PLPPR1: variants seen among roughly 807,000 people sequenced by gnomAD.
PLPPR1 encodes phospholipid phosphatase-related protein type 1.
PLPPR1 carries 10 observed loss-of-function variants against 33.1 expected under a neutral mutation model. That is an observed-to-expected ratio of 0.30 (90% confidence interval 0.19 to 0.51). PLPPR1 has a LOEUF of 0.51. Among genes scored for constraint, PLPPR1 ranks in the 20% least tolerant of loss-of-function variants. The probability of loss-of-function intolerance (pLI) is 0.97; values close to 1 mark genes in which losing one functional copy is unlikely to be tolerated. For synonymous variants in PLPPR1, 151 were observed against 151.0 expected (o/e 1.00, Z 0.00); for missense variants, 304 against 408.1 (o/e 0.74, Z 2.20).
intron 2 of PLPPR1, among the ~76,000 whole-genome samples, chr9:101,230,761 CCAAAACACAAAGGCTAGTTT>C (rs1827165795): frequency 6.6e-6 from 1 of 151,626 alleles, no homozygotes; most frequent in Non-Finnish European, 1.5e-5. Flanking sequence ...ATCAACACCA[CCAAAACACAAAGGCTAGTTT>C]CAAAATAAAA....
chr9:101,282,357 A>T (rs767429669), intron 3 of PLPPR1, among the ~76,000 whole-genome samples: 2 of 152,192 alleles, frequency 1.3e-5, no homozygotes, highest in African/African-American at 4.8e-5. Context: ...ACAAAATTCA[A>T]TATCCTTTTA....
In PLPPR1 at chr9:101,048,293, G is replaced by A. The variant is rs185278926; in HGVS notation, c.-46+19191G>A. On this transcript the variant is annotated intron_variant, in intron 1 of 7. Transcript: ENST00000374874. ...AAAAGCAAAATGAAAAATGACAACCGAGTTTATAATTTCACTGGGAAGACA... is the reference window on the plus strand; with the variant it reads ...AAAAGCAAAATGAAAAATGACAACCAAGTTTATAATTTCACTGGGAAGACA... 3.3e-5 allele frequency among the ~76,000 whole-genome samples: 5 copies of A among 152,272 alleles called. No homozygotes were observed. In the East Asian group the frequency reaches 7.7e-4, roughly 24 times the overall value.
At chr9:101,174,875 T>C (rs1825995600) in intron 1 of PLPPR1, among the ~76,000 whole-genome samples, 2 of 152,174 alleles carry the variant, frequency 1.3e-5, no homozygotes. Flanking sequence ...CATCAGTGAC[T>C]GTCAATATTG....
intron 4 of PLPPR1, among the ~76,000 whole-genome samples, chr9:101,300,256 C>A (rs1393120967): frequency 1.3e-5 from 2 of 152,084 alleles, no homozygotes; most frequent in Non-Finnish European, 2.9e-5. Flanking sequence ...TCACTGCAGC[C>A]TTGACCTCCC....
At chr9:101,238,212 CTA>C (rs1191478154) in intron 2 of PLPPR1, among the ~76,000 whole-genome samples, 1 of 132,010 alleles carries the variant, frequency 7.6e-6, no homozygotes, top group Non-Finnish European at 1.6e-5. Flanking sequence ...ATATATATAC[CTA>C]TATATATACA....
intron 2 of PLPPR1, among the ~76,000 whole-genome samples, chr9:101,243,388 A>G (rs1445853910): frequency 1.3e-5 from 2 of 152,038 alleles, no homozygotes; most frequent in African/African-American, 4.8e-5. Context: ...GCTGGAAAGA[A>G]GTGATGAGGG....
intron 1 of PLPPR1, among the ~76,000 whole-genome samples, chr9:101,134,638 C>G (rs1438708060): frequency 6.6e-6 from 1 of 152,162 alleles, no homozygotes; most frequent in Non-Finnish European, 1.5e-5. Flanking sequence ...CCCACCTCAG[C>G]CTCCCAGAGT....
intron 1 of PLPPR1, among the ~76,000 whole-genome samples, chr9:101,167,558 C>T (rs895093695): frequency 1.3e-5 from 2 of 152,030 alleles, no homozygotes; most frequent in Admixed American, 1.3e-4. Context: ...TGATCCTCAT[C>T]TCTTGAGTCA....
At position 101,038,783 on chromosome 9, in the gene PLPPR1, G is replaced by T. The variant is rs918163197; in HGVS notation, c.-46+9681G>T. On this transcript the variant is annotated intron_variant, in intron 1 of 7. Transcript: ENST00000374874. ...AACTGCTGTTAACCCACAAATGGCT[G>T]CAGAGATTGCGTGCCCATCCTCCCG... Among the ~76,000 whole-genome samples, 6 of 152,098 alleles carry T rather than the reference G, an allele frequency of 3.9e-5. 1 individual carries two copies. The highest frequency in any genetic ancestry group is 1.4e-4 in the African/African-American group (6 of 41,408).
At chr9:101,151,632 T>G (rs1831587699) in intron 1 of PLPPR1, among the ~76,000 whole-genome samples, 1 of 152,196 alleles carries the variant, frequency 6.6e-6, no homozygotes, top group South Asian at 2.1e-4. Context: ...CAGTATTACT[T>G]GTCACCCTCC....
intron 3 of PLPPR1, 106 bp from the exon 4 acceptor site, chr9:101,285,998 T>C (rs1828386431): frequency 1.2e-6 from 1 of 823,370 alleles, no homozygotes; most frequent in African/African-American, 1.7e-5. Flanking sequence ...CAACATCTTT[T>C]AAAATGATTG....
intron 1 of PLPPR1, among the ~76,000 whole-genome samples, chr9:101,076,193 G>A (rs1564137526): frequency 2.0e-5 from 3 of 152,030 alleles, no homozygotes; most frequent in Non-Finnish European, 4.4e-5. Context: ...CCAGCCATCC[G>A]TGTTCTAACC....
intron 1 of PLPPR1, among the ~76,000 whole-genome samples, chr9:101,079,520 C>T (rs1322007749): frequency 6.6e-6 from 1 of 151,446 alleles, no homozygotes; most frequent in African/African-American, 2.4e-5. Flanking sequence ...GCTTCTAGAT[C>T]AAAACTCACT....
chr9:101,311,433 C>T (rs1828953514), intron 5 of PLPPR1, among the ~76,000 whole-genome samples: 1 of 152,134 alleles, frequency 6.6e-6, no homozygotes, highest in African/African-American at 2.4e-5. Context: ...CTGGTTAATA[C>T]TATGAAGAAT....
chr9:101,087,013 T>C (rs967001795), intron 1 of PLPPR1, among the ~76,000 whole-genome samples: 1 of 152,020 alleles, frequency 6.6e-6, no homozygotes, highest in Non-Finnish European at 1.5e-5. Context: ...ACACCATCTC[T>C]ACTAAAAATA....
chr9:101,218,881 T>G (rs541861781), intron 2 of PLPPR1, among the ~76,000 whole-genome samples: 1 of 152,260 alleles, frequency 6.6e-6, no homozygotes, highest in South Asian at 2.1e-4. Context: ...TCAAATAAGT[T>G]GCTAAGGAAA....
chr9:101,287,940 C>A (rs76272206), intron 4 of PLPPR1, among the ~76,000 whole-genome samples: 12 of 152,190 alleles, frequency 7.9e-5, no homozygotes, highest in Non-Finnish European at 1.6e-4. Context: ...GACTACTGTC[C>A]GATCTATTTC....
chr9:101,254,670 G>A (rs1014741338), intron 2 of PLPPR1, among the ~76,000 whole-genome samples: 3 of 152,140 alleles, frequency 2.0e-5, no homozygotes, highest in African/African-American at 7.2e-5. Context: ...CTGAATGAAT[G>A]TGTGTAAAGA....
At chr9:101,269,017 T>C (rs1564022476) in intron 2 of PLPPR1, among the ~76,000 whole-genome samples, 2 of 152,210 alleles carry the variant, frequency 1.3e-5, no homozygotes, top group Non-Finnish European at 2.9e-5. Flanking sequence ...ACCTCAAATG[T>C]ATTTTCTATC....
Sources: gnomAD v4.1 joint callset for allele counts (sites outside exome capture counted in the v4.1 genomes callset) on GRCh38, gnomAD v4.1.1 for gene constraint, MANE v1.5 for transcripts, NCBI Gene and HGNC (gene_info 2026-07-23, HGNC 2026-07-21) for gene names.